CTDSPL: variants seen among roughly 807,000 people sequenced by gnomAD.
CTDSPL encodes the protein CTD small phosphatase-like protein.
In CTDSPL, 8 loss-of-function variants were observed where a neutral mutation model predicts 30.5. The ratio of observed to expected loss-of-function variants is 0.26; its 90% CI spans 0.15 to 0.47. The LOEUF is 0.47. CTDSPL is among the 20% of genes least tolerant of loss of function. The pLI, the probability that CTDSPL is intolerant of heterozygous loss-of-function variation, is 0.99. For missense variants in CTDSPL, 248 were observed against 366.1 expected (o/e 0.68, Z 2.63); for synonymous variants, 110 against 137.9 (o/e 0.80, Z 1.42).
intron 1 of CTDSPL, among the ~76,000 whole-genome samples, chr3:37,907,026 G>C (rs1402211315): frequency 1.3e-5 from 2 of 152,232 alleles, no homozygotes; most frequent in African/African-American, 2.4e-5. Flanking sequence ...AGGGCACAGA[G>C]CCCAGTAGGG....
At chr3:37,937,459 C>T (rs534434418) in intron 1 of CTDSPL, among the ~76,000 whole-genome samples, 2 of 150,616 alleles carry the variant, frequency 1.3e-5, no homozygotes, top group African/African-American at 4.8e-5. Flanking sequence ...TTTGCCCTCC[C>T]TCCTTCTATG....
At chr3:37,972,013 T>C (rs1001037336) in intron 6 of CTDSPL, among the ~76,000 whole-genome samples, 2 of 152,194 alleles carry the variant, frequency 1.3e-5, no homozygotes, top group Non-Finnish European at 2.9e-5. Flanking sequence ...GTTTCTTCTA[T>C]AAATTGGGGA....
intron 1 of CTDSPL, among the ~76,000 whole-genome samples, chr3:37,873,254 G>A (rs186686703): frequency 4.6e-5 from 7 of 152,170 alleles, no homozygotes; most frequent in East Asian, 1.9e-4. Context: ...GGTGTGTGGC[G>A]GAAGGGATGG....
At chr3:37,941,125 G>A (rs1559639561) in intron 1 of CTDSPL, among the ~76,000 whole-genome samples, 1 of 150,256 alleles carries the variant, frequency 6.7e-6, no homozygotes, top group Non-Finnish European at 1.5e-5. Context: ...AGGGGCCTAG[G>A]CAGAAGCATT....
intron 1 of CTDSPL, among the ~76,000 whole-genome samples, chr3:37,942,800 T>G (rs945572302): frequency 1.3e-5 from 2 of 150,470 alleles, no homozygotes; most frequent in African/African-American, 4.8e-5. Context: ...CTTGCCCAGG[T>G]CCTGTACTGT....
intron 1 of CTDSPL, among the ~76,000 whole-genome samples, chr3:37,946,481 A>G (rs1699040167): frequency 6.6e-6 from 1 of 152,196 alleles, no homozygotes; most frequent in Non-Finnish European, 1.5e-5. Context: ...CCAGGCCCCC[A>G]CCAACTTCTT....
chr3:37,915,885 C>T (rs990326090), intron 1 of CTDSPL, among the ~76,000 whole-genome samples: 1 of 152,078 alleles, frequency 6.6e-6, no homozygotes, highest in Non-Finnish European at 1.5e-5. Context: ...TAATCTGAGG[C>T]CTTTGATGAT....
chr3:37,874,325 G>A (rs11721155), intron 1 of CTDSPL, among the ~76,000 whole-genome samples: 13,154 of 152,220 alleles, frequency 0.086, 652 homozygotes, highest in Middle Eastern at 0.17. Context: ...TGGTGATGTT[G>A]AGGGTGTGGA....
intron 1 of CTDSPL, among the ~76,000 whole-genome samples, chr3:37,893,528 T>G (rs1698353576): frequency 1.3e-5 from 2 of 152,224 alleles, no homozygotes; most frequent in African/African-American, 2.4e-5. Context: ...CAGTTAATTC[T>G]CCAACTCGAA....
At chr3:37,874,847 G>C (rs1698118768) in intron 1 of CTDSPL, among the ~76,000 whole-genome samples, 1 of 152,060 alleles carries the variant, frequency 6.6e-6, no homozygotes, top group African/African-American at 2.4e-5. Context: ...TCTAGCTATT[G>C]AAAAAGGGAG....
intron 1 of CTDSPL, among the ~76,000 whole-genome samples, chr3:37,895,539 G>A (rs548268795): frequency 1.4e-4 from 22 of 152,258 alleles, no homozygotes; most frequent in African/African-American, 5.1e-4. Context: ...TGGCACTGGT[G>A]GCAGCCTGAC....
chr3:37,975,798 C>T lies in CTDSPL; in HGVS notation c.609C>T (p.Asn203=), dbSNP rs747472568. 10 of 1,613,992 alleles carry T rather than the reference C, an allele frequency of 6.2e-6. No homozygotes were observed. In the Admixed American group the frequency reaches 1.3e-4, roughly 22 times the overall value. Residue 203 remains asparagine (N), a synonymous_variant, in exon 7 of 8, where the codon AAC becomes AAT. Coordinates refer to ENST00000273179, the MANE Select transcript of CTDSPL (RefSeq NM_001008392.2). This position sits in a 1 kb window ranked among gnomAD's most constrained non-coding sequence, Gnocchi z 4.9. ...FRESCVFHRG[N]YVKDLSRLGR... ...AATCATGTGTTTTTCATCGTGGGAA[C>T]TACGTGAAGGACCTGAGTCGCCTTG...
At chr3:37,925,789 C>T (rs1259058702) in intron 1 of CTDSPL, among the ~76,000 whole-genome samples, 1 of 151,950 alleles carries the variant, frequency 6.6e-6, no homozygotes, top group Non-Finnish European at 1.5e-5. Flanking sequence ...AAGAGATGCA[C>T]TAGTTGTGAA....
chr3:37,942,676 C>T (rs186252943), intron 1 of CTDSPL, among the ~76,000 whole-genome samples: 1 of 150,282 alleles, frequency 6.7e-6, no homozygotes, highest in South Asian at 2.2e-4. Flanking sequence ...AGTGCTTGCT[C>T]TATGCTAGGC....
intron 1 of CTDSPL, among the ~76,000 whole-genome samples, chr3:37,924,199 C>T (rs998249514): frequency 3.9e-5 from 6 of 152,180 alleles, no homozygotes; most frequent in Non-Finnish European, 7.4e-5. Flanking sequence ...TAACATTATT[C>T]GGCCTAAAGA....
chr3:37,982,708 G>A lies in CTDSPL; in HGVS notation c.*1841G>A. 1 of 453,610 alleles carries A rather than the reference G, an allele frequency of 2.2e-6. No individual in the cohort carries two copies. Among genetic ancestry groups the A allele is most frequent in the Non-Finnish European group, 4.5e-6 (1 of 224,474 alleles). The allele number at this position is 453,610 out of a possible 1,614,324, so 28.1% of individuals were successfully genotyped here. A position where few individuals can be genotyped will look rare whatever the true frequency, so the allele number is the denominator to read the frequency against. On this transcript the variant is annotated 3_prime_UTR_variant, in exon 8 of 8. Coordinates refer to ENST00000273179, the MANE Select transcript of CTDSPL (RefSeq NM_001008392.2). ...AGTGTTCCAAACCAGTAATCCACAT[G>A]CCAATTCAAATAGAACAGCCCCTTG...
chr3:37,965,485 G>A (rs1699290312), intron 4 of CTDSPL, among the ~76,000 whole-genome samples: 1 of 152,222 alleles, frequency 6.6e-6, no homozygotes, highest in African/African-American at 2.4e-5. Context: ...GGGAGAAGAA[G>A]CAGGTATTTA....
chr3:37,908,210 A>G (rs1575292586), intron 1 of CTDSPL, among the ~76,000 whole-genome samples: 1 of 152,198 alleles, frequency 6.6e-6, no homozygotes, highest in Non-Finnish European at 1.5e-5. Context: ...GAAACTCACC[A>G]CCTGGTAGCC....
intron 1 of CTDSPL, among the ~76,000 whole-genome samples, chr3:37,929,202 C>T (rs1239445303): frequency 2.0e-5 from 3 of 152,162 alleles, no homozygotes; most frequent in Non-Finnish European, 2.9e-5. Flanking sequence ...GTTTTGAAGT[C>T]AGGAAGTGTG....
Sources: allele counts gnomAD v4.1 joint callset (sites outside exome capture counted in the v4.1 genomes callset), GRCh38; gene constraint gnomAD v4.1.1; non-coding constraint Gnocchi (gnomAD v3.1); transcripts MANE v1.5; gene names NCBI Gene and HGNC (gene_info 2026-07-23, HGNC 2026-07-21).